The following GUCY2F variants were observed in gnomAD, a reference collection of about 807,000 sequenced individuals.
The protein encoded by GUCY2F is retinal guanylyl cyclase 2.
In GUCY2F, 61 loss-of-function variants were observed where a neutral mutation model predicts 73.1. The observed-to-expected ratio is 0.83, with a 90% CI of 0.68 to 1.03. GUCY2F has a LOEUF of 1.03. Ranked by LOEUF, GUCY2F falls within the 50% of genes least tolerant of loss-of-function variation. The pLI is 0.00. For missense variants in GUCY2F, 912 were observed against 854.3 expected (o/e 1.07, Z -0.84); for synonymous variants, 331 against 307.8 (o/e 1.08, Z -0.79).
intron 6 of GUCY2F, among the ~76,000 whole-genome samples, chrX:109,445,846 A>T (rs754603776): frequency 8.9e-6 from 1 of 111,982 alleles, no homozygotes; most frequent in South Asian, 3.7e-4. Context: ...GCCTGTTTGC[A>T]GATGACATGA....
At chrX:109,383,037 TAA>T (rs200063358) in intron 16 of GUCY2F, among the ~76,000 whole-genome samples, 23 of 109,708 alleles carry the variant, frequency 2.1e-4, no homozygotes, top group African/African-American at 7.6e-4. Context: ...TCATTTTTTT[TAA>T]AAAAAAAGCT....
chrX:109,451,729 T>C (rs1048050068), intron 5 of GUCY2F, among the ~76,000 whole-genome samples: 1 of 111,429 alleles, frequency 9.0e-6, no homozygotes, highest in Non-Finnish European at 1.9e-5. Flanking sequence ...AGAACAACGA[T>C]AGGGAGTAGA....
intron 3 of GUCY2F, among the ~76,000 whole-genome samples, chrX:109,458,194 T>C (rs1932296688): frequency 1.8e-5 from 2 of 112,172 alleles, no homozygotes; most frequent in African/African-American, 3.2e-5. Context: ...GCAATGTTAC[T>C]TTGCCTGAGT....
At chrX:109,405,889 A>G (rs959926718) in intron 9 of GUCY2F, among the ~76,000 whole-genome samples, 1 of 111,774 alleles carries the variant, frequency 8.9e-6, no homozygotes, top group East Asian at 2.8e-4. Flanking sequence ...TACCTACTAT[A>G]TGTGCCAGAC....
At position 109,382,224 on chromosome X, in the gene GUCY2F, G is replaced by A. The variant is rs373352175; in HGVS notation, c.3056-12C>T. On this transcript the variant is annotated splice_polypyrimidine_tract_variant and intron_variant, in intron 16 of 19. Transcript: ENST00000218006. ...ATGAATGCGATAAGCTGCAAAAGAA[G>A]GAGAGACATGATTTGGGCTCCTTTC... 2 of 1,053,341 alleles carry A rather than the reference G, an allele frequency of 1.9e-6. No individual in the cohort carries two copies. Among genetic ancestry groups the A allele is most frequent in the South Asian group, 1.9e-5 (1 of 51,685 alleles). 86.8% of individuals were successfully genotyped at this position (1,053,341 alleles called of 1,213,427 possible).
At chrX:109,458,044 T>C (rs925755128) in intron 3 of GUCY2F, among the ~76,000 whole-genome samples, 2 of 111,868 alleles carry the variant, frequency 1.8e-5, no homozygotes, top group African/African-American at 6.5e-5. Context: ...AAGAAGTTCA[T>C]CACTGGTGTC....
intron 1 of GUCY2F, among the ~76,000 whole-genome samples, chrX:109,481,589 T>TAC (rs1282004901): frequency 3.6e-5 from 4 of 111,585 alleles, no homozygotes; most frequent in African/African-American, 1.3e-4. Flanking sequence ...TAACAGCTTG[T>TAC]ATAAGACAAC....
chrX:109,376,732 C>A (rs753728187), intron 17 of GUCY2F, among the ~76,000 whole-genome samples: 2 of 111,580 alleles, frequency 1.8e-5, no homozygotes, highest in Non-Finnish European at 3.8e-5. Flanking sequence ...ACTTGGTTGT[C>A]AAGAACCACA....
At chrX:109,400,465 G>A (rs1345941882) in intron 10 of GUCY2F, among the ~76,000 whole-genome samples, 2 of 111,783 alleles carry the variant, frequency 1.8e-5, no homozygotes, top group Non-Finnish European at 3.8e-5. Context: ...GAGAGTCCAA[G>A]AAACAAAGTC....
intron 2 of GUCY2F, among the ~76,000 whole-genome samples, chrX:109,474,322 T>C (rs947614483): frequency 1.8e-5 from 2 of 111,419 alleles, no homozygotes; most frequent in Non-Finnish European, 3.8e-5. Flanking sequence ...CCATGAATCA[T>C]AGCCATCTCC....
At chrX:109,430,255 G>T in intron 8 of GUCY2F, 52 bp downstream of exon 8, 2 of 674,155 alleles carry the variant, frequency 3.0e-6, no homozygotes, top group Non-Finnish European at 4.9e-6. Flanking sequence ...TAGTTACTTT[G>T]GAGAACAGAT....
chrX:109,441,047 G>T (rs894765467), intron 7 of GUCY2F, among the ~76,000 whole-genome samples: 10 of 111,895 alleles, frequency 8.9e-5, no homozygotes, highest in African/African-American at 3.2e-4. Flanking sequence ...TTCTTCTATT[G>T]TTATCTATAT....
At position 109,441,402 on chromosome X, in the gene GUCY2F, T is replaced by C. The variant is rs375676803; in HGVS notation, c.1650A>G (p.Ser550=). 194 of 1,161,470 alleles carry C rather than the reference T, an allele frequency of 1.7e-4. No homozygotes were observed. The highest frequency in any genetic ancestry group is 2.2e-4 in the Non-Finnish European group (187 of 857,523). ...SGRSPRLSFS[S]GSLTPATYEN... is the part of the protein sequence containing the mutation. ...CATAGGTAGCTGGAGTTAGACTCCCTGAAGAAAAGGAGAGTCTTGGGGACC... is the reference window on the plus strand; with the variant it reads ...CATAGGTAGCTGGAGTTAGACTCCCCGAAGAAAAGGAGAGTCTTGGGGACC... The change falls in exon 7 of 20, where the codon TCA becomes TCG. Residue 550 remains serine, a synonymous_variant. Transcript: ENST00000218006.
At chrX:109,466,874 A>T (rs917858627) in intron 2 of GUCY2F, among the ~76,000 whole-genome samples, 1 of 112,422 alleles carries the variant, frequency 8.9e-6, no homozygotes, top group Non-Finnish European at 1.9e-5. Context: ...CACCCCTAGA[A>T]AGTTTCCCTT....
At chrX:109,458,839 G>T (rs1968897428) in intron 3 of GUCY2F, among the ~76,000 whole-genome samples, 1 of 111,083 alleles carries the variant, frequency 9.0e-6, no homozygotes, top group South Asian at 3.8e-4. Context: ...TATTAGTTAG[G>T]TACTATTGTT....
intron 7 of GUCY2F, among the ~76,000 whole-genome samples, chrX:109,434,019 G>A (rs1338483700): frequency 9.0e-6 from 1 of 110,918 alleles, no homozygotes; most frequent in South Asian, 3.9e-4. Flanking sequence ...TGACGGAAGG[G>A]AGGCGGCAGG....
At position 109,430,405 on chromosome X, in the gene GUCY2F, A is replaced by G; in HGVS notation, c.1702-9T>C. The G allele has an allele frequency of 1.0e-6, 1 of 975,637 alleles. No individual in the cohort carries two copies. The highest frequency in any genetic ancestry group is 1.9e-5 in the South Asian group (1 of 51,457). The allele number at this position is 975,637 out of a possible 1,213,427, so 80.4% of individuals were successfully genotyped here. A position where few individuals can be genotyped will look rare whatever the true frequency, so the allele number is the denominator to read the frequency against. On this transcript the variant is annotated splice_polypyrimidine_tract_variant and intron_variant, in intron 7 of 19. Transcript: ENST00000218006. ...AGCCACACCCAATCACCCTAGAAAG[A>G]AAAGGAGGAGAATGAATAGTGATGA...
At chrX:109,373,794 A>G (rs1197526324) in intron 19 of GUCY2F, among the ~76,000 whole-genome samples, 3 of 112,915 alleles carry the variant, frequency 2.7e-5, no homozygotes, top group African/African-American at 9.6e-5. Flanking sequence ...AATTAACCTC[A>G]GTAGGTGAAA....
chrX:109,398,596 A>C lies in GUCY2F; in HGVS notation c.2228T>G (p.Val743Gly). The C allele has an allele frequency of 8.3e-7, 1 of 1,208,152 alleles. No individual in the cohort carries two copies. Among genetic ancestry groups the C allele is most frequent in the South Asian group, 1.8e-5 (1 of 56,777 alleles). Residue 743 changes from valine to glycine, a missense_variant, in exon 11 of 20, where the codon GTG becomes GGG. By Grantham distance (109) the Val-to-Gly change is moderately radical (BLOSUM62 -3). Coordinates refer to ENST00000218006, the MANE Select transcript of GUCY2F (RefSeq NM_001522.3). ...VYSFAIIMQE[V>G]MVRGTPFCMM... ...GCAGAATGGGGTACCCCGGACCATC[A>C]CTTCTTGCATGATGATGGCAAAGCT...
Sources: allele counts gnomAD v4.1 joint callset (sites outside exome capture counted in the v4.1 genomes callset), GRCh38; gene constraint gnomAD v4.1.1; transcripts MANE v1.5; gene names NCBI Gene and HGNC (gene_info 2026-07-23, HGNC 2026-07-21).